PLCB1: variants seen among roughly 807,000 people sequenced by gnomAD.
The protein encoded by PLCB1 is phospholipase C beta 1, also known as 1-phosphatidylinositol 4,5-bisphosphate phosphodiesterase beta-1.
PLCB1 carries 46 observed loss-of-function variants against 161.8 expected under a neutral mutation model. The ratio of observed to expected loss-of-function variants is 0.28; its 90% confidence interval spans 0.22 to 0.36. The LOEUF is 0.36. Ranked by LOEUF, PLCB1 falls within the 10% of genes least tolerant of loss-of-function variation. The pLI is 1.00. For missense variants in PLCB1, 1,016 were observed against 1,472.5 expected (o/e 0.69, Z 5.07); for synonymous variants, 517 against 503.7 (o/e 1.03, Z -0.35).
chr20:8,176,739 C>T (rs1944193866), intron 2 of PLCB1, among the ~76,000 whole-genome samples: 1 of 152,022 alleles, frequency 6.6e-6, no homozygotes, highest in Admixed American at 6.6e-5. Flanking sequence ...CAAGATATTA[C>T]CATTAGGGAA....
intron 31 of PLCB1, among the ~76,000 whole-genome samples, chr20:8,862,619 A>T (rs1433819504): frequency 1.3e-5 from 2 of 152,158 alleles, no homozygotes; most frequent in Admixed American, 6.5e-5. Context: ...TGATTTTTTT[A>T]AATCTAAACA....
intron 27 of PLCB1, among the ~76,000 whole-genome samples, chr20:8,775,658 A>G (rs1166059142): frequency 3.3e-5 from 5 of 152,218 alleles, no homozygotes; most frequent in Admixed American, 6.5e-5. Flanking sequence ...AGTAGATCAA[A>G]ATCACATGAA....
At chr20:8,550,925 G>T (rs1985753016) in intron 3 of PLCB1, among the ~76,000 whole-genome samples, 1 of 152,012 alleles carries the variant, frequency 6.6e-6, no homozygotes, top group Admixed American at 6.6e-5. Flanking sequence ...ATCAGGAGTG[G>T]ATTAAAAGAT....
intron 2 of PLCB1, among the ~76,000 whole-genome samples, chr20:8,207,350 C>G (rs1227052355): frequency 6.6e-6 from 1 of 152,128 alleles, no homozygotes; most frequent in East Asian, 1.9e-4. Flanking sequence ...AGAGAATCTC[C>G]TCTCTGTCCT....
At chr20:8,545,251 A>G (rs1361949983) in intron 3 of PLCB1, among the ~76,000 whole-genome samples, 1 of 152,198 alleles carries the variant, frequency 6.6e-6, no homozygotes, top group African/African-American at 2.4e-5. Flanking sequence ...CATTTCTGGA[A>G]TGATGTGGTG....
At chr20:8,220,477 T>G (rs1179107034) in intron 2 of PLCB1, among the ~76,000 whole-genome samples, 2 of 152,128 alleles carry the variant, frequency 1.3e-5, no homozygotes, top group Non-Finnish European at 2.9e-5. Flanking sequence ...TTATATTGGA[T>G]CAGAGTGGAC....
At chr20:8,314,833 C>T (rs1984562426) in intron 2 of PLCB1, among the ~76,000 whole-genome samples, 6 of 152,138 alleles carry the variant, frequency 3.9e-5, no homozygotes, top group Admixed American at 3.9e-4. Context: ...TAACAGAGAG[C>T]TAGGCTATTC....
At chr20:8,315,382 T>C (rs1984597335) in intron 2 of PLCB1, among the ~76,000 whole-genome samples, 1 of 152,196 alleles carries the variant, frequency 6.6e-6, no homozygotes, top group South Asian at 2.1e-4. Context: ...AAAATGTCTC[T>C]TGTGGCTCAT....
intron 18 of PLCB1, chr20:8,730,010 A>T (rs1980148822): frequency 6.6e-6 from 1 of 151,994 alleles, no homozygotes. Flanking sequence ...TGAACTTTTT[A>T]AAATATGTTT....
At chr20:8,520,754 C>T (rs903994896) in intron 3 of PLCB1, among the ~76,000 whole-genome samples, 1 of 152,152 alleles carries the variant, frequency 6.6e-6, no homozygotes, top group African/African-American at 2.4e-5. Context: ...TAGGACCATA[C>T]AGTATGTAGT....
intron 2 of PLCB1, among the ~76,000 whole-genome samples, chr20:8,268,233 T>C (rs1982084000): frequency 6.6e-6 from 1 of 152,072 alleles, no homozygotes. Flanking sequence ...TTTTTGTCCT[T>C]GTGATAGTTT....
intron 3 of PLCB1, among the ~76,000 whole-genome samples, chr20:8,486,927 C>T (rs879813157): frequency 5.9e-5 from 9 of 152,184 alleles, no homozygotes; most frequent in African/African-American, 4.8e-5. Context: ...AAAGGAAATA[C>T]AACATTGAAT....
At chr20:8,285,886 T>C (rs1983094973) in intron 2 of PLCB1, among the ~76,000 whole-genome samples, 1 of 152,210 alleles carries the variant, frequency 6.6e-6, no homozygotes, top group African/African-American at 2.4e-5. Flanking sequence ...CTTCAAACAA[T>C]TTCTCTTCTC....
intron 3 of PLCB1, among the ~76,000 whole-genome samples, chr20:8,458,006 C>T (rs1282575903): frequency 6.6e-6 from 1 of 152,194 alleles, no homozygotes; most frequent in Non-Finnish European, 1.5e-5. Context: ...CTTAAAGGAA[C>T]ACAGAAAGAT....
At chr20:8,437,575 C>G (rs1164272500) in intron 3 of PLCB1, among the ~76,000 whole-genome samples, 1 of 152,108 alleles carries the variant, frequency 6.6e-6, no homozygotes, top group Non-Finnish European at 1.5e-5. Flanking sequence ...AACTAGTCAT[C>G]CAGTACAGTA....
At chr20:8,839,276 C>T (rs1345966999) in intron 31 of PLCB1, among the ~76,000 whole-genome samples, 1 of 152,062 alleles carries the variant, frequency 6.6e-6, no homozygotes, top group African/African-American at 2.4e-5. Flanking sequence ...GCATCTTGCC[C>T]CTCCTAAATC....
chr20:8,482,170 C>T (rs1425853118), intron 3 of PLCB1, among the ~76,000 whole-genome samples: 2 of 132,164 alleles, frequency 1.5e-5, no homozygotes, highest in Non-Finnish European at 3.1e-5. Context: ...GTGGCGTGAT[C>T]TCGGCTCACT....
At chr20:8,432,527 G>A (rs1384507960) in intron 3 of PLCB1, among the ~76,000 whole-genome samples, 2 of 152,166 alleles carry the variant, frequency 1.3e-5, no homozygotes, top group Non-Finnish European at 2.9e-5. Flanking sequence ...GCTTTAACAT[G>A]TGAATCTGGG....
Position 8,303,653 on chromosome 20 carries a change from G to A in PLCB1, c.178-67729G>A, listed in dbSNP as rs76253048. 6.3e-3 allele frequency among the ~76,000 whole-genome samples: 953 copies of A among 152,238 alleles called. 13 individuals carry two copies. Among genetic ancestry groups the A allele is most frequent in the African/African-American group, 0.021 (858 of 41,542 alleles). ...TGAAATGGCTTTTTATGTCCAGTCC[G>A]AGTGACACTTTTCTTCCTTAGTAAA... On this transcript the variant is annotated intron_variant, in intron 2 of 31. Transcript: ENST00000338037.
Sources: gnomAD v4.1 joint callset for allele counts (sites outside exome capture counted in the v4.1 genomes callset) on GRCh38, gnomAD v4.1.1 for gene constraint, MANE v1.5 for transcripts, NCBI Gene and HGNC (gene_info 2026-07-23, HGNC 2026-07-21) for gene names.